Variants in SUPT5H observed in about 807,000 individuals in gnomAD.
SUPT5H encodes transcription elongation factor SPT5.
SUPT5H carries 24 observed loss-of-function variants against 142.5 expected under a neutral mutation model. That is an observed-to-expected ratio of 0.17 (90% CI 0.12 to 0.24). The LOEUF (loss-of-function observed/expected upper bound fraction) is 0.24, where lower values mean the gene tolerates loss of function less well. Ranked by LOEUF, SUPT5H falls within the 10% of genes least tolerant of loss-of-function variation. The pLI is 1.00. For missense variants in SUPT5H, 893 were observed against 1,471.8 expected, an observed-to-expected ratio of 0.61 and a Z score of 6.43; for synonymous variants, 546 against 553.0, an observed-to-expected ratio of 0.99 and a Z score of 0.18.
chr19:39,459,764 C>G, intron 9 of SUPT5H, 128 bp from the exon 10 acceptor site: 1 of 1,294,206 alleles, frequency 7.7e-7, no homozygotes, highest in Non-Finnish European at 1.1e-6. Context: ...ATCTTCCTGG[C>G]TGTCCATCCT....
chr19:39,454,088 A>G (rs1365735658), intron 3 of SUPT5H, among the ~76,000 whole-genome samples: 1 of 152,228 alleles, frequency 6.6e-6, no homozygotes. Context: ...TCTAATTTTC[A>G]AGTAGCAGTG....
At chr19:39,464,107 C>T (rs1374930779) in intron 10 of SUPT5H, among the ~76,000 whole-genome samples, 2 of 151,778 alleles carry the variant, frequency 1.3e-5, no homozygotes, top group African/African-American at 4.8e-5. Context: ...CCTCAGCCTC[C>T]CGTGTAGCTG....
rs774167124 is a variant in SUPT5H at position 39,472,451 on chromosome 19, A to G, written c.1993A>G (p.Met665Val). 9 of 1,614,036 alleles carry G rather than the reference A, an allele frequency of 5.6e-6. No individual in the cohort carries two copies. Among genetic ancestry groups the G allele is most frequent in the Middle Eastern group, 1.7e-4 (1 of 6,060 alleles). ...TNFTVGGFAP[M>V]SPRISSPMHP... Reference sequence around the variant, plus strand: ...CTTCACCGTGGGTGGCTTTGCGCCTATGAGTCCCCGGATCAGCAGCCCCAT... The same window carrying G: ...CTTCACCGTGGGTGGCTTTGCGCCTGTGAGTCCCCGGATCAGCAGCCCCAT... Residue 665 changes from methionine to valine, a missense_variant, in exon 21 of 30, where the codon ATG becomes GTG. Physicochemically the swap from Met to Val is conservative, Grantham distance 21. Around this residue, in one of 6 missense-constraint regions of SUPT5H, gnomAD observed 428 missense variants for 763.5 expected, o/e 0.56. Coordinates refer to ENST00000432763, the MANE Select transcript of SUPT5H (RefSeq NM_001111020.3). This position sits in a 1 kb window ranked among gnomAD's most constrained non-coding sequence, Gnocchi z 4.2.
At position 39,472,335 on chromosome 19, in the gene SUPT5H, T is replaced by C; in HGVS notation, c.1951-74T>C. 6.9e-7 allele frequency: 1 copy of C among 1,458,280 alleles called. No individual in the cohort carries two copies. The highest frequency in any genetic ancestry group is 9.6e-7 in the Non-Finnish European group (1 of 1,042,994). 90.3% of individuals were successfully genotyped at this position (1,458,280 alleles called of 1,614,324 possible). A position where few individuals can be genotyped will look rare whatever the true frequency, so the allele number is the denominator to read the frequency against. ...GGTGGTCTCCTCAGGGCCCTGCACG[T>C]GGGATGATGAGTTCCTGTGGTTTGT... On this transcript the variant is annotated intron_variant, in intron 20 of 29. Coordinates refer to ENST00000432763, the MANE Select transcript of SUPT5H (RefSeq NM_001111020.3). This position sits in a 1 kb window ranked among gnomAD's most constrained non-coding sequence, Gnocchi z 4.2.
At chr19:39,450,625 G>C (rs2079009627) in intron 2 of SUPT5H, among the ~76,000 whole-genome samples, 1 of 152,214 alleles carries the variant, frequency 6.6e-6, no homozygotes, top group Non-Finnish European at 1.5e-5. Flanking sequence ...CTGAGCAGGG[G>C]AACAAATGGT....
chr19:39,475,464 A>G (rs1364355025), intron 28 of SUPT5H, among the ~76,000 whole-genome samples: 2 of 150,228 alleles, frequency 1.3e-5, no homozygotes, highest in African/African-American at 4.9e-5. Context: ...AGCCTGGAGG[A>G]CCTAGACTGT....
At chr19:39,475,963 C>T in intron 28 of SUPT5H, 118 bp from the exon 29 acceptor site, 1 of 957,538 alleles carries the variant, frequency 1.0e-6, no homozygotes, top group Non-Finnish European at 1.6e-6. Context: ...TTGGCCTTTC[C>T]TGCCCCCATT....
In SUPT5H at chr19:39,473,466, C is replaced by T. The variant is rs2079354083; in HGVS notation, c.2437C>T (p.Arg813Cys). The T allele has an allele frequency of 6.2e-7, 1 of 1,613,102 alleles. No individual in the cohort carries two copies. The highest frequency in any genetic ancestry group is 8.5e-7 in the Non-Finnish European group (1 of 1,179,932). The change falls in exon 25 of 30, where the codon CGC becomes TGC. Residue 813 changes from arginine (R) to cysteine (C), a missense_variant. Arg to Cys is a radical substitution (Grantham distance 180, BLOSUM62 -3). Coordinates refer to ENST00000432763, the MANE Select transcript of SUPT5H (RefSeq NM_001111020.3). This position sits in a 1 kb window ranked among gnomAD's most constrained non-coding sequence, Gnocchi z 5.8. ...GSQTPLHDGS[R>C]TPAQSGAWDP... ...ACAGACGCCCCTGCATGATGGCAGC[C>T]GCACTCCTGCCCAGAGTGGGGCCTG... is the stretch of plus-strand genomic sequence containing the variant.
rs374742976 is a variant in SUPT5H at position 39,459,567 on chromosome 19, A to G, written c.533A>G (p.Asn178Ser). 9 of 1,613,760 alleles carry G rather than the reference A, an allele frequency of 5.6e-6. No individual in the cohort carries two copies. Among genetic ancestry groups the G allele is most frequent in the South Asian group, 3.3e-5 (3 of 91,062 alleles). The change falls in exon 9 of 30, where the codon AAT (asparagine) becomes AGT (serine). Residue 178 changes from asparagine to serine, a missense_variant. Transcript: ENST00000432763. ...TTTCCTCTGCTGCTTAGGGATCCCA[A>G]TCTGTGGACTGTCAAATGTAAGGTA... is the stretch of plus-strand genomic sequence containing the variant. ...QQLLPGVKDP[N>S]LWTVKCKIGE...
chr19:39,466,852 T>TGGC lies in SUPT5H; in HGVS notation c.1037+108_1037+109insGCG. The stretch of plus-strand genomic sequence containing the variant: ...GTGGCCCCGCCACAGGTTTAGCCTG[T>TGGC]GAATTGGTTAGCTTGGCAGTATAGC... On this transcript the variant is annotated intron_variant, in intron 13 of 29. Transcript: ENST00000432763. The surrounding 1 kb of genome is among the most constrained non-coding windows in gnomAD (Gnocchi z 4.3). 5 of 1,080,940 alleles carry TGGC rather than the reference T, an allele frequency of 4.6e-6. No homozygotes were observed. The highest frequency in any genetic ancestry group is 5.7e-6 in the Non-Finnish European group (4 of 704,476). The allele number at this position is 1,080,940 out of a possible 1,614,324, so 67.0% of individuals were successfully genotyped here. A position where few individuals can be genotyped will look rare whatever the true frequency, so the allele number is the denominator to read the frequency against.
Position 39,458,487 on chromosome 19 carries a change from C to G in SUPT5H, c.319+182C>G. On this transcript the variant is annotated intron_variant, in intron 5 of 29. Coordinates refer to ENST00000432763, the MANE Select transcript of SUPT5H (RefSeq NM_001111020.3). This position sits in a 1 kb window ranked among gnomAD's most constrained non-coding sequence, Gnocchi z 4.2. Reference sequence around the variant, plus strand: ...GGCCAGGTATACCCCAGTTGTTGACCTGGGAAAGCACGGATGTGTCTGTCT... The same window carrying G: ...GGCCAGGTATACCCCAGTTGTTGACGTGGGAAAGCACGGATGTGTCTGTCT... 1 of 1,139,100 alleles carries G rather than the reference C, an allele frequency of 8.8e-7. No individual in the cohort carries two copies. The highest frequency in any genetic ancestry group is 1.2e-6 in the Non-Finnish European group (1 of 801,818). 70.6% of individuals were successfully genotyped at this position (1,139,100 alleles called of 1,614,324 possible).
rs2146092681 is a variant in SUPT5H at position 39,458,218 on chromosome 19, T to C, written c.308-76T>C. The C allele has an allele frequency of 6.4e-7, 1 of 1,559,864 alleles. No individual in the cohort carries two copies. The highest frequency in any genetic ancestry group is 8.6e-7 in the Non-Finnish European group (1 of 1,158,972). On this transcript the variant is annotated intron_variant, in intron 4 of 29. Coordinates refer to ENST00000432763, the MANE Select transcript of SUPT5H (RefSeq NM_001111020.3). The surrounding 1 kb of genome is among the most constrained non-coding windows in gnomAD (Gnocchi z 4.2). ...TTGCTGCTATAATTTGGCTCATACT[T>C]TGTCTGCCCTCGCCCACCACCACCA...
At chr19:39,457,898 C>CT in intron 4 of SUPT5H, 158 bp downstream of exon 4, 1 of 1,215,378 alleles carries the variant, frequency 8.2e-7, no homozygotes, top group South Asian at 1.3e-5. Context: ...CAGCTCCCTG[C>CT]TTTTTCCTTT....
intron 10 of SUPT5H, among the ~76,000 whole-genome samples, chr19:39,462,371 G>A (rs1429946716): frequency 6.6e-6 from 1 of 151,920 alleles, no homozygotes; most frequent in Non-Finnish European, 1.5e-5. Context: ...ACAGCTCCTG[G>A]TAACTATGAA....
chr19:39,453,605 G>A (rs1231461957), intron 3 of SUPT5H, 84 bp downstream of exon 3: 2 of 1,405,656 alleles, frequency 1.4e-6, no homozygotes, highest in Non-Finnish European at 1.9e-6. Flanking sequence ...TTGAGGCGGA[G>A]TCTCGCTCTG....
intron 2 of SUPT5H, among the ~76,000 whole-genome samples, chr19:39,448,056 C>T (rs960955984): frequency 6.6e-6 from 1 of 152,198 alleles, no homozygotes; most frequent in African/African-American, 2.4e-5. Flanking sequence ...CAGCCGTTTG[C>T]TTGATGAGTG....
chr19:39,457,573 G>C, intron 3 of SUPT5H, 102 bp from the exon 4 acceptor site: 1 of 1,550,202 alleles, frequency 6.5e-7, no homozygotes, highest in Admixed American at 1.8e-5. Context: ...TGCTCTGTGC[G>C]GTGGGGATTT....
At position 39,458,974 on chromosome 19, in the gene SUPT5H, A is replaced by G. The variant is rs1479188486; in HGVS notation, c.390-31A>G. On this transcript the variant is annotated intron_variant, in intron 6 of 29. Coordinates refer to ENST00000432763, the MANE Select transcript of SUPT5H (RefSeq NM_001111020.3). The surrounding 1 kb of genome is among the most constrained non-coding windows in gnomAD (Gnocchi z 4.2). ...GCCCACCTGCTGTCCTCAACCTTCA[A>G]TTCGTGTTTGCTTCCCCACTCGTGC... 1.7e-5 allele frequency: 27 copies of G among 1,613,920 alleles called. No homozygotes were observed. The highest frequency in any genetic ancestry group is 1.0e-4 in the Admixed American group (6 of 59,980).
rs149398539 is a variant in SUPT5H, at chr19:39,466,777, T to C, written c.1037+32T>C. On this transcript the variant is annotated intron_variant, in intron 13 of 29. Transcript: ENST00000432763. This position sits in a 1 kb window ranked among gnomAD's most constrained non-coding sequence, Gnocchi z 4.3. ...GTCCTTGGGGACTGGCTGGGCTGGG[T>C]CCCCAGGGCCGGTGTGTAGAATGTG... 1.5e-3 allele frequency: 2,430 copies of C among 1,609,938 alleles called. 42 individuals carry two copies. The East Asian group carries it at 0.041, about 27-fold the overall frequency.
Sources: allele counts gnomAD v4.1 joint callset (sites outside exome capture counted in the v4.1 genomes callset), GRCh38; gene constraint gnomAD v4.1.1; regional missense constraint gnomAD v4.1.1; non-coding constraint Gnocchi (gnomAD v3.1); transcripts MANE v1.5; gene names NCBI Gene and HGNC (gene_info 2026-07-23, HGNC 2026-07-21).